NDST1: variants seen among roughly 807,000 people sequenced by gnomAD.
The protein encoded by NDST1 is bifunctional heparan sulfate N-deacetylase/N-sulfotransferase 1.
Under a neutral mutation model 92.8 loss-of-function variants are expected in NDST1, and 35 were observed. The observed-to-expected ratio is 0.38, with a 90% CI of 0.29 to 0.50. The LOEUF (loss-of-function observed/expected upper bound fraction) is 0.50, where lower values mean the gene tolerates loss of function less well. Among genes scored for constraint, NDST1 ranks in the 20% least tolerant of loss-of-function variants. The pLI, the probability that NDST1 is intolerant of heterozygous loss-of-function variation, is 0.94. For missense variants in NDST1, 822 were observed against 1,182.7 expected (o/e 0.69, Z 4.47); for synonymous variants, 493 against 500.3 (o/e 0.99, Z 0.19).
rs775686138 is a variant in NDST1 at position 150,548,356 on chromosome 5, G to A, written c.2284G>A (p.Glu762Lys). 1.7e-5 allele frequency: 27 copies of A among 1,613,208 alleles called. No homozygotes were observed. In the Admixed American group the frequency reaches 2.7e-4, roughly 16 times the overall value. Residue 762 changes from glutamate (E) to lysine (K), a missense_variant, in exon 12 of 15, where the codon GAG becomes AAG. By Grantham distance (56) the Glu-to-Lys change is moderately conservative (BLOSUM62 1). Transcript: ENST00000261797. ...LVPGWYATHI[E>K]RWLSAYHANQ... The stretch of plus-strand genomic sequence containing the variant: ...CCCTGGCTGGTACGCCACCCACATC[G>A]AGCGCTGGCTCAGTGCCTATCACGC...
At chr5:150,536,059 G>C (rs1438234874) in intron 6 of NDST1, among the ~76,000 whole-genome samples, 174 bp downstream of exon 6, 1 of 152,216 alleles carries the variant, frequency 6.6e-6, no homozygotes. Flanking sequence ...AAGGTGGGCT[G>C]CCACTCCGAC....
At chr5:150,544,404 A>G (rs945442513) in intron 10 of NDST1, among the ~76,000 whole-genome samples, 5 of 152,242 alleles carry the variant, frequency 3.3e-5, no homozygotes, top group South Asian at 2.1e-4. Flanking sequence ...GATTGTGGAC[A>G]TGCAAAGAAA....
chr5:150,552,353 G>C (rs1216614608), intron 14 of NDST1, among the ~76,000 whole-genome samples: 1 of 152,124 alleles, frequency 6.6e-6, no homozygotes, highest in African/African-American at 2.4e-5. Context: ...ATATGGAATG[G>C]GAGGGTAGGT....
At chr5:150,530,133 C>T (rs1476856880) in intron 3 of NDST1, among the ~76,000 whole-genome samples, 2 of 152,160 alleles carry the variant, frequency 1.3e-5, no homozygotes, top group Non-Finnish European at 2.9e-5. Context: ...CCATAGGTGC[C>T]TGGATAGCTG....
intron 2 of NDST1, among the ~76,000 whole-genome samples, chr5:150,523,747 C>T (rs970308332): frequency 2.6e-5 from 4 of 152,282 alleles, no homozygotes; most frequent in South Asian, 2.1e-4. Flanking sequence ...GGAGCTTGGG[C>T]GCTGTCTGGC....
intron 4 of NDST1, among the ~76,000 whole-genome samples, 178 bp downstream of exon 4, chr5:150,533,210 AG>A (rs1754825071): frequency 6.6e-6 from 1 of 152,242 alleles, no homozygotes; most frequent in South Asian, 2.1e-4. Context: ...ACCCAGGCAG[AG>A]GCCATCTGGG....
intron 12 of NDST1, 70 bp downstream of exon 12, chr5:150,548,458 C>T: frequency 6.5e-7 from 1 of 1,548,298 alleles, no homozygotes; most frequent in Non-Finnish European, 8.8e-7. Flanking sequence ...GGAGAGCCTC[C>T]AACTCTTTCT....
At chr5:150,539,625 C>T (rs141204194) in intron 7 of NDST1, 3 of 985,432 alleles carry the variant, frequency 3.0e-6, no homozygotes, top group Non-Finnish European at 3.6e-6. Flanking sequence ...AGTCTTTGCT[C>T]ATGTGTGTAT....
chr5:150,520,738 C>T (rs923676469), intron 1 of NDST1, 130 bp from the exon 2 acceptor site: 4 of 391,028 alleles, frequency 1.0e-5, no homozygotes, highest in African/African-American at 6.2e-5. Flanking sequence ...GAGCTTGCTC[C>T]AAATCATGCA....
Position 150,556,358 on chromosome 5 carries a change from G to T in NDST1, c.*3026G>T, listed in dbSNP as rs1477360352. ...AAGTTTAAAAATGGGCCTTTTCTGAGCCCCCCTGATGAGCAGTCAGTGCTT... is the reference window on the plus strand; with the variant it reads ...AAGTTTAAAAATGGGCCTTTTCTGATCCCCCCTGATGAGCAGTCAGTGCTT... On this transcript the variant is annotated 3_prime_UTR_variant, in exon 15 of 15. Transcript: ENST00000261797. 1 of 152,092 alleles carries T rather than the reference G, an allele frequency of 6.6e-6. No individual in the cohort carries two copies. Among genetic ancestry groups the T allele is most frequent in the African/African-American group, 2.4e-5 (1 of 41,392 alleles). 9.4% of individuals were successfully genotyped at this position (152,092 alleles called of 1,614,324 possible). A position where few individuals can be genotyped will look rare whatever the true frequency, so the allele number is the denominator to read the frequency against.
In NDST1 at chr5:150,528,244, T is replaced by C. The variant is rs751446167; in HGVS notation, c.954T>C (p.Ile318=). 1.2e-6 allele frequency: 2 copies of C among 1,610,570 alleles called. No individual in the cohort carries two copies. Among genetic ancestry groups the C allele is most frequent in the Non-Finnish European group, 8.5e-7 (1 of 1,177,004 alleles). Residue 318 remains isoleucine, a synonymous_variant, in exon 3 of 15, where the codon ATT becomes ATC. Coordinates refer to ENST00000261797, the MANE Select transcript of NDST1 (RefSeq NM_001543.5). ...TGGACCGCTACATCCTGGTGGACAT[T>C]GATGACATCTTCGTGGGCAAGGAGG... is the stretch of plus-strand genomic sequence containing the variant. ...LPLDRYILVD[I]DDIFVGKEGT...
rs1755776697 is a variant in NDST1, at chr5:150,552,721, T to C, written c.2530-492T>C. 5.2e-5 allele frequency: 11 copies of C among 209,666 alleles called. 1 individual carries two copies. In the South Asian group the frequency reaches 8.7e-4, roughly 17 times the overall value. 13.0% of individuals were successfully genotyped at this position (209,666 alleles called of 1,614,324 possible). A position where few individuals can be genotyped will look rare whatever the true frequency, so the allele number is the denominator to read the frequency against. On this transcript the variant is annotated intron_variant, in intron 14 of 14. Transcript: ENST00000261797. ...TCTCCCTATCAGAAGAATTTTGACT[T>C]AGTGAGCTATATTTTGATGCTCCTG...
intron 1 of NDST1, among the ~76,000 whole-genome samples, chr5:150,520,284 C>A (rs1004134941): frequency 6.6e-6 from 1 of 151,902 alleles, no homozygotes; most frequent in East Asian, 1.9e-4. Context: ...GCACACATGC[C>A]CTGCAGCCTG....
At chr5:150,517,968 C>T (rs571358115) in intron 1 of NDST1, among the ~76,000 whole-genome samples, 2 of 152,318 alleles carry the variant, frequency 1.3e-5, no homozygotes, top group South Asian at 2.1e-4. Context: ...GGCTGGGCTG[C>T]GGCCACAGGC....
Position 150,515,068 on chromosome 5 carries a change from G to T in NDST1, c.-387-5800G>T, listed in dbSNP as rs12109850. On this transcript the variant is annotated intron_variant, in intron 1 of 14. Transcript: ENST00000261797. The stretch of plus-strand genomic sequence containing the variant: ...CAGGCTACAGGAGGTAGAGCCATGT[G>T]CAGGAATGCCCCCAGTTTACTCTGC... Among the ~76,000 whole-genome samples, 1,375 of 152,336 alleles carry T rather than the reference G, an allele frequency of 9.0e-3. 15 individuals carry two copies. The highest frequency in any genetic ancestry group is 0.031 in the African/African-American group (1,304 of 41,572).
Position 150,521,432 on chromosome 5 carries a change from C to T in NDST1, c.178C>T (p.Pro60Ser). The change falls in exon 2 of 15, where the codon CCG (proline) becomes TCG (serine). Residue 60 changes from proline (P) to serine (S), a missense_variant. Physicochemically the swap from Pro to Ser is moderately conservative, Grantham distance 74. Coordinates refer to ENST00000261797, the MANE Select transcript of NDST1 (RefSeq NM_001543.5). The surrounding 1 kb of genome is among the most constrained non-coding windows in gnomAD (Gnocchi z 5.9). ...DAPEPDCGDP[P>S]PVAPSRLLPL... Reference sequence around the variant, plus strand: ...CCCCGAGCCTGACTGCGGGGACCCGCCGCCTGTGGCCCCCAGTCGCCTGCT... The same window carrying T: ...CCCCGAGCCTGACTGCGGGGACCCGTCGCCTGTGGCCCCCAGTCGCCTGCT... 6.2e-7 allele frequency: 1 copy of T among 1,613,108 alleles called. No individual in the cohort carries two copies. Among genetic ancestry groups the T allele is most frequent in the South Asian group, 1.1e-5 (1 of 91,076 alleles).
chr5:150,523,503 G>C (rs1196722642), intron 2 of NDST1, among the ~76,000 whole-genome samples: 1 of 152,246 alleles, frequency 6.6e-6, no homozygotes, highest in African/African-American at 2.4e-5. Context: ...TGAGGCAAAG[G>C]AGGATAAGCA....
chr5:150,500,017 G>A (rs775646148), intron 1 of NDST1, among the ~76,000 whole-genome samples: 4 of 152,208 alleles, frequency 2.6e-5, no homozygotes, highest in Non-Finnish European at 4.4e-5. Context: ...TCCTCCTAGA[G>A]TATGTTGCTT....
At chr5:150,533,154 GACCCC>G (rs1754820899) in intron 4 of NDST1, 122 bp downstream of exon 4, 5 of 972,798 alleles carry the variant, frequency 5.1e-6, no homozygotes, top group Non-Finnish European at 8.2e-6. Flanking sequence ...AGGCAGAGGT[GACCCC>G]TCTGCCCCCG....
Sources: gnomAD v4.1 joint callset for allele counts (sites outside exome capture counted in the v4.1 genomes callset) on GRCh38, gnomAD v4.1.1 for gene constraint, Gnocchi (gnomAD v3.1) non-coding constraint, MANE v1.5 for transcripts, NCBI Gene and HGNC (gene_info 2026-07-23, HGNC 2026-07-21) for gene names.